The following USP7 variants were observed in gnomAD, a reference collection of about 807,000 sequenced individuals.
USP7 encodes ubiquitin specific peptidase 7.
In USP7, 9 loss-of-function variants were observed where a neutral mutation model predicts 162.9. That is an observed-to-expected ratio of 0.06 (90% CI 0.03 to 0.10). The LOEUF (loss-of-function observed/expected upper bound fraction) is 0.10, where lower values mean the gene tolerates loss of function less well. Among genes scored for constraint, USP7 ranks in the 10% least tolerant of loss-of-function variants. The pLI, the probability that USP7 is intolerant of heterozygous loss-of-function variation, is 1.00. For missense variants in USP7, 715 were observed against 1,373.7 expected, an observed-to-expected ratio of 0.52 and a Z score of 7.58; for synonymous variants, 562 against 475.9, an observed-to-expected ratio of 1.18 and a Z score of -2.35.
At chr16:8,940,873 T>A (rs1899010797) in intron 1 of USP7, among the ~76,000 whole-genome samples, 2 of 151,338 alleles carry the variant, frequency 1.3e-5, no homozygotes, top group African/African-American at 2.5e-5. Flanking sequence ...ATATACAGTG[T>A]CCAGAACCTG....
intron 10 of USP7, among the ~76,000 whole-genome samples, chr16:8,912,646 A>G (rs2061965768): frequency 6.6e-6 from 1 of 152,040 alleles, no homozygotes; most frequent in African/African-American, 2.4e-5. Flanking sequence ...CATACTAAGA[A>G]GAGACACAGG....
intron 28 of USP7, 88 bp from the exon 29 acceptor site, chr16:8,894,943 C>T: frequency 6.2e-7 from 1 of 1,613,550 alleles, no homozygotes; most frequent in African/African-American, 1.3e-5. Context: ...CAACGCCTAA[C>T]CCCAGCAGGA....
rs140050804 is a variant in USP7, at chr16:8,954,442, G to A, written c.79+8765C>T. Among the ~76,000 whole-genome samples the A allele has an allele frequency of 7.5e-3, 1,140 of 152,300 alleles. 19 individuals carry two copies. Among genetic ancestry groups the A allele is most frequent in the African/African-American group, 0.024 (1,008 of 41,566 alleles). ...TGTTCTCAAACTCATCATATGAGGC[G>A]TGACTGCATTCGGGTCATGGGCAAT... On this transcript the variant is annotated intron_variant, in intron 1 of 30. Coordinates refer to ENST00000344836, the MANE Select transcript of USP7 (RefSeq NM_003470.3).
At chr16:8,925,645 G>C (rs773238381) in intron 2 of USP7, among the ~76,000 whole-genome samples, 2 of 152,266 alleles carry the variant, frequency 1.3e-5, no homozygotes, top group Admixed American at 1.3e-4. Context: ...AGGCCACCGC[G>C]CATCCGTCTC....
chr16:8,905,795 C>G (rs566791835), intron 13 of USP7, among the ~76,000 whole-genome samples: 5 of 152,250 alleles, frequency 3.3e-5, no homozygotes, highest in African/African-American at 7.2e-5. Flanking sequence ...AGACTGAAGT[C>G]AACGTAGCAT....
intron 23 of USP7, 134 bp from the exon 24 acceptor site, chr16:8,898,773 T>C: frequency 1.4e-6 from 1 of 694,036 alleles, no homozygotes; most frequent in East Asian, 2.7e-5. Flanking sequence ...GGGTTTAACT[T>C]AATACTCCTG....
rs1307244095 is a variant in USP7 at position 8,953,620 on chromosome 16, TGCCCCGTGCGGC to T, written c.79+9575_79+9586del. ...CCACCGGAAGCAGAGGGAAGACACG[TGCCCCGTGCGGC>T]GCCACCGGAAGCAGAGGGAAGACAC... On this transcript the variant is annotated intron_variant, in intron 1 of 30. Coordinates refer to ENST00000344836, the MANE Select transcript of USP7 (RefSeq NM_003470.3). Among the ~76,000 whole-genome samples, 85 of 41,154 alleles carry T rather than the reference TGCCCCGTGCGGC, an allele frequency of 2.1e-3. 4 individuals carry two copies. Among genetic ancestry groups the T allele is most frequent in the African/African-American group, 6.1e-3 (73 of 12,022 alleles). The allele number at this position is 41,154 out of a possible 152,430, so 27.0% of individuals were successfully genotyped here. A position where few individuals can be genotyped will look rare whatever the true frequency, so the allele number is the denominator to read the frequency against.
chr16:8,910,947 C>T (rs2061937179), intron 10 of USP7, 120 bp from the exon 11 acceptor site: 2 of 794,668 alleles, frequency 2.5e-6, no homozygotes, highest in East Asian at 2.6e-5. Flanking sequence ...ACAACACTAA[C>T]AGTAACTCTC....
intron 1 of USP7, among the ~76,000 whole-genome samples, chr16:8,961,118 T>A (rs1899988870): frequency 6.6e-6 from 1 of 152,122 alleles, no homozygotes; most frequent in Non-Finnish European, 1.5e-5. Context: ...AAAGCTTCAT[T>A]TTATGAGAAA....
At chr16:8,925,956 C>T (rs1897964580) in intron 2 of USP7, among the ~76,000 whole-genome samples, 1 of 149,750 alleles carries the variant, frequency 6.7e-6, no homozygotes, top group Non-Finnish European at 1.5e-5. Context: ...AGATCGAGAC[C>T]ATCCTGGCTA....
Position 8,901,188 on chromosome 16 carries a change from G to C in USP7, c.2094C>G (p.Ser698Arg). ...FLKMYDPKTR[S>R]LNYCGHIYTP... Reference sequence around the variant, plus strand: ...TGTAGATATGCCCACAGTAATTCAAGCTCCGCGTTTTGGGATCATACATCT... The same window carrying C: ...TGTAGATATGCCCACAGTAATTCAACCTCCGCGTTTTGGGATCATACATCT... Residue 698 changes from serine (S) to arginine (R), a missense_variant, in exon 19 of 31, where the codon AGC (serine) becomes AGG (arginine). This residue lies in a region of USP7 where 197 missense variants were observed against 306.5 expected (regional missense o/e 0.64). Coordinates refer to ENST00000344836, the MANE Select transcript of USP7 (RefSeq NM_003470.3). 1.9e-6 allele frequency: 3 copies of C among 1,612,836 alleles called. No individual in the cohort carries two copies. The highest frequency in any genetic ancestry group is 2.5e-6 in the Non-Finnish European group (3 of 1,179,526).
chr16:8,934,665 T>A (rs1408558844), intron 1 of USP7, among the ~76,000 whole-genome samples: 2 of 152,206 alleles, frequency 1.3e-5, no homozygotes, highest in African/African-American at 4.8e-5. Flanking sequence ...AGCTTTTACA[T>A]CCAAATTAAC....
In USP7 at chr16:8,924,265, A is replaced by T. The variant is rs573222099; in HGVS notation, c.185-852T>A. On this transcript the variant is annotated intron_variant, in intron 2 of 30. Coordinates refer to ENST00000344836, the MANE Select transcript of USP7 (RefSeq NM_003470.3). Reference sequence around the variant, plus strand: ...CTTCCCAAACGACTCCTGCGAAGGCACAGTCCTCCCACACCCACACCAATC... The same window carrying T: ...CTTCCCAAACGACTCCTGCGAAGGCTCAGTCCTCCCACACCCACACCAATC... Among the ~76,000 whole-genome samples the T allele has an allele frequency of 3.3e-5, 5 of 152,370 alleles. No individual in the cohort carries two copies. In the East Asian group the frequency reaches 9.6e-4, roughly 29 times the overall value.
At chr16:8,895,269 C>A (rs11644175) in intron 27 of USP7, 119 bp from the exon 28 acceptor site, 5 of 1,479,626 alleles carry the variant, frequency 3.4e-6, no homozygotes, top group Middle Eastern at 2.4e-4. Context: ...GCTAAAAAAA[C>A]GCCACACCTG....
chr16:8,906,672 C>T (rs2061865147), intron 12 of USP7, 90 bp from the exon 13 acceptor site: 3 of 1,318,230 alleles, frequency 2.3e-6, no homozygotes, highest in South Asian at 2.8e-5. Flanking sequence ...AATGTACTGG[C>T]TCATCTTTAA....
intron 3 of USP7, among the ~76,000 whole-genome samples, chr16:8,921,570 C>G (rs1190243735): frequency 6.6e-6 from 1 of 152,194 alleles, no homozygotes; most frequent in Admixed American, 6.5e-5. Context: ...TGTATCTATA[C>G]AATTTTGACC....
chr16:8,955,996 T>G (rs1899783418), intron 1 of USP7, among the ~76,000 whole-genome samples: 2 of 152,122 alleles, frequency 1.3e-5, no homozygotes, highest in South Asian at 2.1e-4. Flanking sequence ...AGCCCCACCC[T>G]GGGATGGGAC....
intron 10 of USP7, among the ~76,000 whole-genome samples, chr16:8,911,955 G>A (rs1421561722): frequency 1.3e-5 from 2 of 152,166 alleles, no homozygotes; most frequent in African/African-American, 2.4e-5. Flanking sequence ...GGGAGACTCA[G>A]CTAACAACTG....
At chr16:8,923,946 C>T (rs1418527332) in intron 2 of USP7, among the ~76,000 whole-genome samples, 3 of 152,198 alleles carry the variant, frequency 2.0e-5, no homozygotes, top group East Asian at 1.9e-4. Flanking sequence ...ATAATAAATG[C>T]TAACCTCATT....
Sources: allele counts gnomAD v4.1 joint callset (sites outside exome capture counted in the v4.1 genomes callset), GRCh38; gene constraint gnomAD v4.1.1; regional missense constraint gnomAD v4.1.1; transcripts MANE v1.5; gene names NCBI Gene and HGNC (gene_info 2026-07-23, HGNC 2026-07-21).